LARGE1: variants seen among roughly 807,000 people sequenced by gnomAD.
LARGE1 encodes LARGE xylosyl- and glucuronyltransferase 1, also known as xylosyl- and glucuronyltransferase LARGE1.
LARGE1 carries 43 observed loss-of-function variants against 87.6 expected under a neutral mutation model. The ratio of observed to expected loss-of-function variants is 0.49; its 90% CI spans 0.38 to 0.63. The LOEUF (loss-of-function observed/expected upper bound fraction) is 0.63. Ranked by LOEUF, LARGE1 falls within the 30% of genes least tolerant of loss-of-function variation. The probability of loss-of-function intolerance (pLI) is 0.00; values close to 1 mark genes in which losing one functional copy is unlikely to be tolerated. For missense variants in LARGE1, 802 were observed against 1,000.2 expected, an observed-to-expected ratio of 0.80 and a Z score of 2.67; for synonymous variants, 434 against 394.6, an observed-to-expected ratio of 1.10 and a Z score of -1.18.
chr22:33,530,595 T>C (rs1186299751), intron 6 of LARGE1, among the ~76,000 whole-genome samples: 3 of 152,140 alleles, frequency 2.0e-5, no homozygotes, highest in Non-Finnish European at 4.4e-5. Flanking sequence ...TTGTTTTCTC[T>C]GGCCTTACAA....
chr22:33,318,160 A>C (rs1180952201), intron 10 of LARGE1, among the ~76,000 whole-genome samples: 1 of 148,598 alleles, frequency 6.7e-6, no homozygotes, highest in East Asian at 2.0e-4. Context: ...GCTTGAACCC[A>C]GGGGGCAGAG....
the LARGE1 span, among the ~76,000 whole-genome samples, chr22:33,103,198 C>T: frequency 1.3e-5 from 2 of 151,962 alleles, no homozygotes; most frequent in East Asian, 3.9e-4. Context: ...CTTTGGGAGG[C>T]CGAGACGGGC....
chr22:33,525,876 A>G (rs1428272234), intron 6 of LARGE1, among the ~76,000 whole-genome samples: 1 of 152,242 alleles, frequency 6.6e-6, no homozygotes, highest in Non-Finnish European at 1.5e-5. Context: ...TGGTTTGGCA[A>G]TTCCTCGAAA....
At chr22:33,317,994 T>C (rs868861174) in intron 10 of LARGE1, among the ~76,000 whole-genome samples, 35 of 151,434 alleles carry the variant, frequency 2.3e-4, no homozygotes, top group African/African-American at 8.2e-4. Flanking sequence ...CCCAGCACTT[T>C]GGGAGGCTGA....
intron 6 of LARGE1, among the ~76,000 whole-genome samples, chr22:33,478,738 G>A (rs1018448739): frequency 6.6e-6 from 1 of 152,128 alleles, no homozygotes; most frequent in Admixed American, 6.5e-5. Context: ...ATGCCTAGGA[G>A]GAATCTAGTA....
At chr22:33,346,856 AG>A (rs1279373451) in intron 9 of LARGE1, among the ~76,000 whole-genome samples, 1 of 152,206 alleles carries the variant, frequency 6.6e-6, no homozygotes, top group Non-Finnish European at 1.5e-5. Flanking sequence ...CCTTGCAGCC[AG>A]GGGTGGCCAC....
intron 1 of LARGE1, among the ~76,000 whole-genome samples, chr22:33,767,564 T>A (rs1027737123): frequency 6.6e-5 from 10 of 151,846 alleles, no homozygotes; most frequent in Non-Finnish European, 1.3e-4. Context: ...CAGGGGTGGC[T>A]AGTTACCATT....
intron 11 of LARGE1, among the ~76,000 whole-genome samples, chr22:33,226,657 C>T (rs767590447): frequency 8.5e-5 from 13 of 152,222 alleles, no homozygotes; most frequent in East Asian, 3.9e-4. Flanking sequence ...AAAAACTTAA[C>T]GAAAACATCT....
rs1928531659 is a variant in LARGE1, at chr22:33,273,432, A to G, written c.*995T>C. On this transcript the variant is annotated 3_prime_UTR_variant, in exon 15 of 15. Coordinates refer to ENST00000397394, the MANE Select transcript of LARGE1 (RefSeq NM_133642.5). The stretch of plus-strand genomic sequence containing the variant: ...AGAACTGGGCTTTCATGAATTATGA[A>G]AGTTCTTCGAAAGGCCTGAGAGGTT... The G allele has an allele frequency of 2.5e-6, 1 of 398,662 alleles. No individual in the cohort carries two copies. The highest frequency in any genetic ancestry group is 4.4e-6 in the Non-Finnish European group (1 of 226,062). The allele number at this position is 398,662 out of a possible 1,614,324, so 24.7% of individuals were successfully genotyped here.
At chr22:33,852,738 C>T (rs1044194593) in intron 1 of LARGE1, among the ~76,000 whole-genome samples, 1 of 151,188 alleles carries the variant, frequency 6.6e-6, no homozygotes, top group Non-Finnish European at 1.5e-5. Flanking sequence ...CACCTGTAGT[C>T]CCAGCTACTT....
At chr22:33,713,100 C>A (rs2082786232) in intron 2 of LARGE1, among the ~76,000 whole-genome samples, 1 of 152,108 alleles carries the variant, frequency 6.6e-6, no homozygotes, top group Non-Finnish European at 1.5e-5. Flanking sequence ...CATTTCATAT[C>A]TATTTTCTTA....
At chr22:33,452,866 T>G (rs550579244) in intron 6 of LARGE1, among the ~76,000 whole-genome samples, 1 of 146,352 alleles carries the variant, frequency 6.8e-6, no homozygotes, top group Admixed American at 6.6e-5. Flanking sequence ...GCTTACAACA[T>G]GCTCATTTCC....
chr22:33,494,133 T>G (rs1169411651), intron 6 of LARGE1, among the ~76,000 whole-genome samples: 1 of 152,230 alleles, frequency 6.6e-6, no homozygotes, highest in Non-Finnish European at 1.5e-5. Context: ...GCATTGATGC[T>G]CAACAGCTGT....
chr22:33,143,934 T>C, the LARGE1 span, among the ~76,000 whole-genome samples: 1 of 152,170 alleles, frequency 6.6e-6, no homozygotes, highest in Non-Finnish European at 1.5e-5. Context: ...ATGTTAAAAT[T>C]TTCTTAATGT....
At chr22:33,176,735 G>A (rs1024864999) in intron 11 of LARGE1, among the ~76,000 whole-genome samples, 6 of 152,188 alleles carry the variant, frequency 3.9e-5, no homozygotes, top group South Asian at 2.1e-4. Flanking sequence ...CAACCATTGT[G>A]GAAGACAGTG....
At chr22:33,608,560 C>A (rs1322830583) in intron 4 of LARGE1, among the ~76,000 whole-genome samples, 2 of 152,210 alleles carry the variant, frequency 1.3e-5, no homozygotes, top group African/African-American at 4.8e-5. Context: ...CCACAGACGA[C>A]AGAAACCATC....
At chr22:33,348,289 C>CCCAAAA (rs1569081859) in intron 9 of LARGE1, among the ~76,000 whole-genome samples, 5 of 124,048 alleles carry the variant, frequency 4.0e-5, no homozygotes, top group Admixed American at 8.3e-5. Context: ...CACCCCCCCC[C>CCCAAAA]AAAAAAAAAG....
intron 2 of LARGE1, among the ~76,000 whole-genome samples, chr22:33,691,798 T>TA (rs1269049774): frequency 6.6e-6 from 1 of 152,196 alleles, no homozygotes; most frequent in Admixed American, 6.5e-5. Context: ...ATATGGAACT[T>TA]AGAACAGCCT....
At chr22:33,612,150 C>A (rs1569312189) in intron 4 of LARGE1, among the ~76,000 whole-genome samples, 1 of 151,400 alleles carries the variant, frequency 6.6e-6, no homozygotes, top group Admixed American at 6.6e-5. Flanking sequence ...ATTGCCCAGG[C>A]TAGAGTGCAG....
Sources: allele counts gnomAD v4.1 joint callset (sites outside exome capture counted in the v4.1 genomes callset), GRCh38; gene constraint gnomAD v4.1.1; transcripts MANE v1.5; gene names NCBI Gene and HGNC (gene_info 2026-07-23, HGNC 2026-07-21).